FRMD3: variants seen among roughly 807,000 people sequenced by gnomAD.
The protein encoded by FRMD3 is FERM domain containing 3, also known as FERM domain-containing protein 3.
FRMD3 carries 33 observed loss-of-function variants against 70.2 expected under a neutral mutation model. That is an observed-to-expected ratio of 0.47 (90% CI 0.36 to 0.63). The LOEUF (loss-of-function observed/expected upper bound fraction) is 0.63, where lower values mean the gene tolerates loss of function less well. Among genes scored for constraint, FRMD3 ranks in the 20% least tolerant of loss-of-function variants. The pLI is 0.00. For missense variants in FRMD3, 632 were observed against 711.4 expected, an observed-to-expected ratio of 0.89 and a Z score of 1.27; for synonymous variants, 279 against 255.9, an observed-to-expected ratio of 1.09 and a Z score of -0.86.
chr9:83,458,113 C>T (rs1485563046), intron 1 of FRMD3, among the ~76,000 whole-genome samples: 1 of 151,318 alleles, frequency 6.6e-6, no homozygotes, highest in Non-Finnish European at 1.5e-5. Flanking sequence ...GGCTCCTTGT[C>T]TATTAAAATG....
chr9:83,520,970 C>CAAAAAAAAAAA (rs144061788), intron 1 of FRMD3, among the ~76,000 whole-genome samples: 16 of 56,122 alleles, frequency 2.9e-4, no homozygotes, highest in East Asian at 5.7e-4. Flanking sequence ...ACTAAAAATA[C>CAAAAAAAAAAA]AAAAAAAAAA....
chr9:83,299,228 A>T, intron 10 of FRMD3, 42 bp from the exon 11 acceptor site: 1 of 1,333,982 alleles, frequency 7.5e-7, no homozygotes, highest in Non-Finnish European at 1.1e-6. Flanking sequence ...GACATTGGAA[A>T]GTCCACTTAC....
chr9:83,448,128 A>G (rs957389571), intron 1 of FRMD3, among the ~76,000 whole-genome samples: 14 of 152,210 alleles, frequency 9.2e-5, no homozygotes, highest in Admixed American at 4.6e-4. Context: ...ATGAGAGTCC[A>G]ATTTCAACAT....
chr9:83,245,602 CTATCA>C lies in FRMD3; in HGVS notation c.*2311_*2315del. 1 of 796,968 alleles carries C rather than the reference CTATCA, an allele frequency of 1.3e-6. No homozygotes were observed. The highest frequency in any genetic ancestry group is 1.5e-6 in the Non-Finnish European group (1 of 657,894). 49.4% of individuals were successfully genotyped at this position (796,968 alleles called of 1,614,324 possible). ...CGTTGGATTACATGTGATATTTATACTATCATATTTTTTAAGTATTTTACAATGGA... is the reference window on the plus strand; with the variant it reads ...CGTTGGATTACATGTGATATTTATACTATTTTTTAAGTATTTTACAATGGA... On this transcript the variant is annotated 3_prime_UTR_variant, in exon 14 of 14. Coordinates refer to ENST00000304195, the MANE Select transcript of FRMD3 (RefSeq NM_174938.6).
rs1351524443 is a variant in FRMD3, at chr9:83,500,498, GCGCGCACACA to G, written c.147+37577_147+37586del. ...CCTGCATAGAGTGCTTGGCGTGTAT[GCGCGCACACA>G]CACACACACACACACACACACACAC... is the stretch of plus-strand genomic sequence containing the variant. On this transcript the variant is annotated intron_variant, in intron 1 of 13. Transcript: ENST00000304195. 3.6e-3 allele frequency among the ~76,000 whole-genome samples: 227 copies of G among 62,994 alleles called. 2 individuals are homozygous for G. The highest frequency in any genetic ancestry group is 0.011 in the African/African-American group (218 of 19,168). 41.3% of individuals were successfully genotyped at this position (62,994 alleles called of 152,430 possible).
the FRMD3 span, among the ~76,000 whole-genome samples, chr9:83,578,099 C>A: frequency 6.6e-6 from 1 of 151,558 alleles, no homozygotes; most frequent in East Asian, 1.9e-4. Context: ...TTTCTAGACA[C>A]AAACGGCCTG....
At chr9:83,286,846 G>C (rs1469708353) in intron 13 of FRMD3, among the ~76,000 whole-genome samples, 1 of 152,122 alleles carries the variant, frequency 6.6e-6, no homozygotes, top group East Asian at 1.9e-4. Flanking sequence ...TCTCTCAATG[G>C]CTCCAACAAC....
intron 1 of FRMD3, among the ~76,000 whole-genome samples, chr9:83,440,363 G>A (rs1379119288): frequency 6.6e-6 from 1 of 152,200 alleles, no homozygotes; most frequent in African/African-American, 2.4e-5. Flanking sequence ...ATAATCCAAT[G>A]TCCAAAGAGA....
intron 4 of FRMD3, among the ~76,000 whole-genome samples, chr9:83,348,090 A>T (rs1824020888): frequency 6.6e-6 from 1 of 152,212 alleles, no homozygotes; most frequent in Admixed American, 6.5e-5. Flanking sequence ...CTTAATTTAT[A>T]TTGTGACACA....
At chr9:83,333,064 AG>A (rs1250321843) in intron 6 of FRMD3, among the ~76,000 whole-genome samples, 5 of 152,268 alleles carry the variant, frequency 3.3e-5, no homozygotes, top group Non-Finnish European at 7.3e-5. Context: ...GTTTCCCAAC[AG>A]ACGCAAGAAA....
At chr9:83,517,585 C>T (rs1449862911) in intron 1 of FRMD3, among the ~76,000 whole-genome samples, 1 of 151,496 alleles carries the variant, frequency 6.6e-6, no homozygotes, top group African/African-American at 2.4e-5. Flanking sequence ...GGTACCATTC[C>T]TCCTAAAACT....
intron 1 of FRMD3, among the ~76,000 whole-genome samples, chr9:83,413,344 G>T (rs546302175): frequency 6.6e-6 from 1 of 152,290 alleles, no homozygotes; most frequent in East Asian, 1.9e-4. Context: ...CAGAATGGAA[G>T]GTCCTGTCAG....
rs1015685243 is a variant in FRMD3 at position 83,311,302 on chromosome 9, A to C, written c.773+585T>G. On this transcript the variant is annotated intron_variant, in intron 8 of 13. Transcript: ENST00000304195. ...GAATGGCAGAGAAAAAAAAAAAAAA[A>C]AACAGAGACCTAAATCCTTCCCGGC... Among the ~76,000 whole-genome samples the C allele has an allele frequency of 8.5e-5, 13 of 152,206 alleles. No homozygotes were observed. The East Asian group carries it at 2.1e-3, about 25-fold the overall frequency.
chr9:83,520,862 C>T (rs1042524733), intron 1 of FRMD3, among the ~76,000 whole-genome samples: 6 of 151,508 alleles, frequency 4.0e-5, no homozygotes, highest in East Asian at 1.9e-4. Context: ...CAGTGGCTCA[C>T]GCCTGTAATC....
chr9:83,464,846 C>T (rs773720682), intron 1 of FRMD3, among the ~76,000 whole-genome samples: 3 of 151,914 alleles, frequency 2.0e-5, no homozygotes, highest in Admixed American at 6.6e-5. Context: ...TAGCGAAACC[C>T]GATCTCTACT....
chr9:83,484,201 C>T (rs1157229001), intron 1 of FRMD3, among the ~76,000 whole-genome samples: 1 of 152,168 alleles, frequency 6.6e-6, no homozygotes, highest in African/African-American at 2.4e-5. Flanking sequence ...TGTGTTTCCA[C>T]ACTAGCCATA....
At chr9:83,570,031 A>G in the FRMD3 span, among the ~76,000 whole-genome samples, 1 of 152,170 alleles carries the variant, frequency 6.6e-6, no homozygotes, top group African/African-American at 2.4e-5. Flanking sequence ...TCAAGTTCCC[A>G]TCAGATTTTC....
intron 3 of FRMD3, among the ~76,000 whole-genome samples, chr9:83,360,163 A>T (rs1476135767): frequency 1.3e-5 from 2 of 152,198 alleles, no homozygotes; most frequent in Non-Finnish European, 2.9e-5. Flanking sequence ...AAAGGTTAGC[A>T]AGAACACATG....
chr9:83,364,297 G>A (rs1381359190), intron 3 of FRMD3, among the ~76,000 whole-genome samples: 5 of 152,136 alleles, frequency 3.3e-5, no homozygotes, highest in Non-Finnish European at 5.9e-5. Context: ...GGTGGCTCAC[G>A]CCTGTAATCC....
Sources: gnomAD v4.1 joint callset for allele counts (sites outside exome capture counted in the v4.1 genomes callset) on GRCh38, gnomAD v4.1.1 for gene constraint, MANE v1.5 for transcripts, NCBI Gene and HGNC (gene_info 2026-07-23, HGNC 2026-07-21) for gene names.